The following WARS1 variants were observed in gnomAD, a reference collection of about 807,000 sequenced individuals.
WARS1 encodes the protein tryptophanyl-tRNA synthetase 1.
WARS1 carries 17 observed loss-of-function variants against 47.8 expected under a neutral mutation model. The ratio of observed to expected loss-of-function variants is 0.36; its 90% CI spans 0.24 to 0.53. The LOEUF (loss-of-function observed/expected upper bound fraction) is 0.53. Ranked by LOEUF, WARS1 falls within the 20% of genes least tolerant of loss-of-function variation. WARS1 has a pLI of 0.91. For missense variants in WARS1, 434 were observed against 608.0 expected, an observed-to-expected ratio of 0.71 and a Z score of 3.01; for synonymous variants, 208 against 228.1, an observed-to-expected ratio of 0.91 and a Z score of 0.79.
At chr14:100,361,603 C>T in intron 3 of WARS1, 105 bp downstream of exon 3, 2 of 1,227,754 alleles carry the variant, frequency 1.6e-6, no homozygotes, top group Non-Finnish European at 1.1e-6. Context: ...TGAAGCTTCA[C>T]TGAATTTATG....
intron 2 of WARS1, among the ~76,000 whole-genome samples, 171 bp from the exon 3 acceptor site, chr14:100,362,092 A>T (rs1277679282): frequency 1.3e-5 from 2 of 152,230 alleles, no homozygotes; most frequent in African/African-American, 4.8e-5. Context: ...CAGCTCAAGA[A>T]TCTGAGACTC....
intron 8 of WARS1, among the ~76,000 whole-genome samples, chr14:100,343,002 G>A (rs778765738): frequency 7.2e-5 from 11 of 152,098 alleles, no homozygotes; most frequent in Non-Finnish European, 1.3e-4. Flanking sequence ...CAAGCGAGGC[G>A]AGTAGCTGGG....
At chr14:100,375,849 G>C, upstream of WARS1, 1 of 152,330 alleles carries the variant, frequency 6.6e-6, no homozygotes, top group East Asian at 1.9e-4. Flanking sequence ...TTGGGCAAGG[G>C]TCGCATTACT....
Position 100,369,303 on chromosome 14 carries a change from AAC to A in WARS1, c.-73-47_-73-46del, listed in dbSNP as rs1370057363. 16 of 652,478 alleles carry A rather than the reference AAC, an allele frequency of 2.5e-5. No individual in the cohort carries two copies. In the Admixed American group the frequency reaches 6.3e-4, roughly 26 times the overall value. The allele number at this position is 652,478 out of a possible 1,614,324, so 40.4% of individuals were successfully genotyped here. A position where few individuals can be genotyped will look rare whatever the true frequency, so the allele number is the denominator to read the frequency against. On this transcript the variant is annotated intron_variant, in intron 1 of 10. Coordinates refer to ENST00000392882, the MANE Select transcript of WARS1 (RefSeq NM_004184.4). ...GGAGAGAGAGGAAAAACCAGAGGTTAACACAACATCGCGGCTGTTTTTCCTTT... is the reference window on the plus strand; with the variant it reads ...GGAGAGAGAGGAAAAACCAGAGGTTAACAACATCGCGGCTGTTTTTCCTTT...
At chr14:100,355,082 T>C (rs1414150044) in intron 4 of WARS1, among the ~76,000 whole-genome samples, 1 of 152,136 alleles carries the variant, frequency 6.6e-6, no homozygotes, top group African/African-American at 2.4e-5. Context: ...AGCTTGGGAC[T>C]AGGTATCTTC....
At chr14:100,354,956 T>C (rs993509894) in intron 4 of WARS1, among the ~76,000 whole-genome samples, 1 of 152,148 alleles carries the variant, frequency 6.6e-6, no homozygotes, top group Non-Finnish European at 1.5e-5. Context: ...CTCAGACCAA[T>C]ACCAGGCAAA....
rs1317185070 is a variant in WARS1, at chr14:100,353,860, C to A, written c.552G>T (p.Gln184His). Residue 184 changes from glutamine to histidine, a missense_variant, in exon 6 of 11, where the codon CAG becomes CAT. This residue lies in a region of WARS1 where 347 missense variants were observed against 523.8 expected (regional missense o/e 0.66). Coordinates refer to ENST00000392882, the MANE Select transcript of WARS1 (RefSeq NM_004184.4). Reference sequence around the variant, plus strand: ...TGACCAAGGGCACGTTAAATACATCCTGGAGCCACCTAAAGAAACACAGGG... The same window carrying A: ...TGACCAAGGGCACGTTAAATACATCATGGAGCCACCTAAAGAAACACAGGG... ...LIPFIFTKWL[Q>H]DVFNVPLVIQ... 6.2e-7 allele frequency: 1 copy of A among 1,613,656 alleles called. No homozygotes were observed. Among genetic ancestry groups the A allele is most frequent in the South Asian group, 1.1e-5 (1 of 91,032 alleles).
chr14:100,359,744 C>T (rs752465770), intron 4 of WARS1, among the ~76,000 whole-genome samples: 3 of 152,104 alleles, frequency 2.0e-5, no homozygotes, highest in Non-Finnish European at 4.4e-5. Context: ...TGTGAATATA[C>T]TAAAACCCAC....
chr14:100,342,694 C>T, intron 8 of WARS1, 123 bp from the exon 9 acceptor site: 1 of 830,478 alleles, frequency 1.2e-6, no homozygotes, highest in Non-Finnish European at 1.8e-6. Flanking sequence ...AAATTCACTC[C>T]CTCCTCCCCT....
intron 9 of WARS1, among the ~76,000 whole-genome samples, chr14:100,338,971 T>C (rs952598265): frequency 2.6e-5 from 4 of 151,258 alleles, no homozygotes; most frequent in Admixed American, 2.6e-4. Flanking sequence ...CTGGGCGTGG[T>C]GTCATGTGCC....
chr14:100,370,207 C>T (rs1383964064), intron 1 of WARS1, among the ~76,000 whole-genome samples: 1 of 152,138 alleles, frequency 6.6e-6, no homozygotes, highest in African/African-American at 2.4e-5. Flanking sequence ...GGTGTGTCTG[C>T]ACCTCCTATT....
chr14:100,347,867 G>A lies in WARS1; in HGVS notation c.726-1021C>T, dbSNP rs186686546. On this transcript the variant is annotated intron_variant, in intron 6 of 10. Coordinates refer to ENST00000392882, the MANE Select transcript of WARS1 (RefSeq NM_004184.4). ...GCTGGGATTACAGGTGTGAGCCACC[G>A]CGCCCAGCCAAGTGGCTTCTTATAT... Among the ~76,000 whole-genome samples the A allele has an allele frequency of 5.9e-5, 9 of 152,278 alleles. No individual in the cohort carries two copies. In the East Asian group the frequency reaches 1.2e-3, roughly 20 times the overall value.
intron 4 of WARS1, among the ~76,000 whole-genome samples, chr14:100,356,808 C>T (rs770571068): frequency 3.3e-5 from 5 of 152,172 alleles, no homozygotes; most frequent in Admixed American, 2.6e-4. Flanking sequence ...CAGTATTACC[C>T]TGATACCAAA....
rs1334717302 is a variant in WARS1, at chr14:100,334,870, G to A, written c.*5C>T. 3 of 1,613,384 alleles carry A rather than the reference G, an allele frequency of 1.9e-6. No individual in the cohort carries two copies. The highest frequency in any genetic ancestry group is 2.2e-5 in the South Asian group (2 of 91,000). On this transcript the variant is annotated 3_prime_UTR_variant, in exon 11 of 11. Transcript: ENST00000392882. ...CTTCTTTTATAAGCATATGTAAAAC[G>A]AGTGCTACTGAAAGTCGAAGGACAG... is the stretch of plus-strand genomic sequence containing the variant.
intron 6 of WARS1, among the ~76,000 whole-genome samples, chr14:100,351,499 C>CAAA (rs71464656): frequency 1.7e-5 from 2 of 115,092 alleles, no homozygotes; most frequent in African/African-American, 3.4e-5. Context: ...GACTCTGTCT[C>CAAA]AAAAAAAAAA....
chr14:100,359,658 G>A (rs1895538798), intron 4 of WARS1, among the ~76,000 whole-genome samples: 1 of 152,170 alleles, frequency 6.6e-6, no homozygotes, highest in African/African-American at 2.4e-5. Flanking sequence ...TGGCATAAAT[G>A]GGTTAATGGG....
At position 100,354,677 on chromosome 14, in the gene WARS1, T is replaced by A; in HGVS notation, c.423-111A>T. ...GACAGAGACGAAACAACATGGATAA[T>A]AACTAGAATTTGTTACCTTTGGTGC... On this transcript the variant is annotated intron_variant, in intron 4 of 10. Transcript: ENST00000392882. 6.3e-6 allele frequency: 8 copies of A among 1,263,010 alleles called. No individual in the cohort carries two copies. The South Asian group carries it at 1.1e-4, about 17-fold the overall frequency. 78.2% of individuals were successfully genotyped at this position (1,263,010 alleles called of 1,614,324 possible). A position where few individuals can be genotyped will look rare whatever the true frequency, so the allele number is the denominator to read the frequency against.
chr14:100,375,517 G>A (rs908406212), upstream of WARS1: 22 of 152,490 alleles, frequency 1.4e-4, no homozygotes, highest in African/African-American at 5.3e-4. Flanking sequence ...CAACCTTCTT[G>A]ATGAGACTGT....
chr14:100,352,637 AG>A lies in WARS1; in HGVS notation c.725+1049del, dbSNP rs376933423. ...CCCACTCCTCCTGGGGAATCACTTT[AG>A]GGGAGGAGTAACACGTCTTTGGGGA... On this transcript the variant is annotated intron_variant, in intron 6 of 10. Coordinates refer to ENST00000392882, the MANE Select transcript of WARS1 (RefSeq NM_004184.4). 3.8e-4 allele frequency among the ~76,000 whole-genome samples: 58 copies of A among 152,270 alleles called. No individual in the cohort carries two copies. The South Asian group carries it at 0.011, about 28-fold the overall frequency.
Sources: allele counts gnomAD v4.1 joint callset (sites outside exome capture counted in the v4.1 genomes callset), GRCh38; gene constraint gnomAD v4.1.1; regional missense constraint gnomAD v4.1.1; transcripts MANE v1.5; gene names NCBI Gene and HGNC (gene_info 2026-07-23, HGNC 2026-07-21).